CDK12: variants seen among roughly 807,000 people sequenced by gnomAD.
The protein encoded by CDK12 is cyclin dependent kinase 12, also known as cyclin-dependent kinase 12.
Under a neutral mutation model 133.8 loss-of-function variants are expected in CDK12, and 17 were observed. The observed-to-expected ratio is 0.13, with a 90% confidence interval of 0.09 to 0.19. The LOEUF is 0.19. Among genes scored for constraint, CDK12 ranks in the 10% least tolerant of loss-of-function variants. CDK12 has a pLI of 1.00. For synonymous variants in CDK12, 694 were observed against 683.6 expected (o/e 1.02, Z -0.24); for missense variants, 1,508 against 1,818.7 (o/e 0.83, Z 3.11).
intron 1 of CDK12, among the ~76,000 whole-genome samples, chr17:39,540,647 G>A (rs1446140400): frequency 6.6e-6 from 1 of 152,188 alleles, no homozygotes; most frequent in Non-Finnish European, 1.5e-5. Flanking sequence ...TTCTTGGAAG[G>A]CCTTTTTCTG....
In CDK12 at chr17:39,530,601, C is replaced by T. The variant is rs751866464; in HGVS notation, c.3761-3C>T. 1 of 1,576,368 alleles carries T rather than the reference C, an allele frequency of 6.3e-7. No homozygotes were observed. The highest frequency in any genetic ancestry group is 8.6e-7 in the Non-Finnish European group (1 of 1,160,610). On this transcript the variant is annotated splice_polypyrimidine_tract_variant and splice_region_variant and intron_variant, in intron 13 of 13. Coordinates refer to ENST00000447079, the MANE Select transcript of CDK12 (RefSeq NM_016507.4). ...GTGTTTAAAAGAAGTAACCCTTCCA[C>T]AGCATGTCCTCCTCACATTCTTCCA...
chr17:39,486,163 G>A (rs942990346), intron 2 of CDK12, among the ~76,000 whole-genome samples: 7 of 151,114 alleles, frequency 4.6e-5, no homozygotes, highest in African/African-American at 1.7e-4. Context: ...ATGTTGGCTA[G>A]GCTGGTCTTG....
In CDK12 at chr17:39,471,692, A is replaced by C. The variant is rs752384862; in HGVS notation, c.1860A>C (p.Pro620=). Residue 620 remains proline (P), a synonymous_variant, in exon 2 of 14, where the codon CCA becomes CCC. Coordinates refer to ENST00000447079, the MANE Select transcript of CDK12 (RefSeq NM_016507.4). ...KTQVSVTAAI[P]HLKTSTLPPL... is the part of the protein sequence containing the mutation. Reference sequence around the variant, plus strand: ...AAGTATCTGTAACAGCTGCTATTCCACACCTGAAAACTTCAACGTTGCCTC... The same window carrying C: ...AAGTATCTGTAACAGCTGCTATTCCCCACCTGAAAACTTCAACGTTGCCTC... 1 of 1,614,052 alleles carries C rather than the reference A, an allele frequency of 6.2e-7. No homozygotes were observed. Among genetic ancestry groups the C allele is most frequent in the Non-Finnish European group, 8.5e-7 (1 of 1,179,982 alleles).
chr17:39,553,455 A>G (rs969187872), intron 2 of CDK12, among the ~76,000 whole-genome samples: 2 of 152,150 alleles, frequency 1.3e-5, no homozygotes, highest in Non-Finnish European at 1.5e-5. Context: ...CTCCTGAAAC[A>G]GCATTCTTAC....
chr17:39,534,931 A>T (rs532334793), downstream of CDK12: 1 of 152,462 alleles, frequency 6.6e-6, no homozygotes, highest in African/African-American at 2.4e-5. Context: ...GACCCAAAGG[A>T]TAGTCTTAAA....
chr17:39,479,701 A>G (rs1047530803), intron 2 of CDK12, among the ~76,000 whole-genome samples: 3 of 150,394 alleles, frequency 2.0e-5, no homozygotes, highest in East Asian at 2.0e-4. Flanking sequence ...ATCTCGGCTC[A>G]CTGTAATCTC....
At chr17:39,528,147 C>T (rs533031709) in intron 13 of CDK12, among the ~76,000 whole-genome samples, 5 of 150,244 alleles carry the variant, frequency 3.3e-5, no homozygotes, top group South Asian at 2.1e-4. Flanking sequence ...CTTGAACTGC[C>T]GACCTCTGGT....
Position 39,534,051 on chromosome 17 carries a change from TG to T in CDK12, c.*2736del, listed in dbSNP as rs1394138834. ...CAGATGAGAAATCTGATTCTGTTCA[TG>T]AGTGGGAGGCAAAACTGGTTTGACC... On this transcript the variant is annotated 3_prime_UTR_variant, in exon 14 of 14. Transcript: ENST00000447079. 8.6e-6 allele frequency: 2 copies of T among 232,576 alleles called. No individual in the cohort carries two copies. The highest frequency in any genetic ancestry group is 4.4e-5 in the African/African-American group (2 of 45,308). The allele number at this position is 232,576 out of a possible 1,614,324, so 14.4% of individuals were successfully genotyped here. A position where few individuals can be genotyped will look rare whatever the true frequency, so the allele number is the denominator to read the frequency against.
intron 6 of CDK12, among the ~76,000 whole-genome samples, chr17:39,507,298 T>C (rs917503327): frequency 6.6e-6 from 1 of 151,678 alleles, no homozygotes; most frequent in Non-Finnish European, 1.5e-5. Context: ...GTAAAAGTGC[T>C]ATCAGCGGCC....
intron 13 of CDK12, among the ~76,000 whole-genome samples, chr17:39,528,893 C>T (rs971622566): frequency 6.6e-6 from 1 of 152,172 alleles, no homozygotes; most frequent in African/African-American, 2.4e-5. Context: ...ATAACTGGTA[C>T]AGTGATGTCC....
chr17:39,517,121 A>G (rs1293509919), intron 9 of CDK12, among the ~76,000 whole-genome samples: 1 of 152,148 alleles, frequency 6.6e-6, no homozygotes, highest in Non-Finnish European at 1.5e-5. Context: ...CTTTGTAATT[A>G]CTACTAACTG....
intron 3 of CDK12, among the ~76,000 whole-genome samples, chr17:39,557,406 G>A (rs567099068): frequency 6.6e-6 from 1 of 152,112 alleles, no homozygotes; most frequent in South Asian, 2.1e-4. Flanking sequence ...ACACCTTGGG[G>A]TAGATCCAAG....
intron 3 of CDK12, among the ~76,000 whole-genome samples, chr17:39,561,769 C>T (rs576144727): frequency 6.6e-5 from 10 of 152,076 alleles, no homozygotes; most frequent in Admixed American, 1.3e-4. Flanking sequence ...GTTTTCCCCA[C>T]TCACTTACAG....
intron 1 of CDK12, among the ~76,000 whole-genome samples, chr17:39,465,629 C>G (rs940703722): frequency 1.3e-5 from 2 of 151,850 alleles, no homozygotes; most frequent in Non-Finnish European, 2.9e-5. Flanking sequence ...GCTGGAATTA[C>G]AAGCGCCCAC....
At chr17:39,481,484 A>G (rs1274097472) in intron 2 of CDK12, among the ~76,000 whole-genome samples, 1 of 148,854 alleles carries the variant, frequency 6.7e-6, no homozygotes, top group Admixed American at 6.7e-5. Context: ...TTTTTTTTAC[A>G]TTTTTGGTAG....
At chr17:39,540,409 G>A (rs1326745059) in intron 1 of CDK12, among the ~76,000 whole-genome samples, 1 of 152,334 alleles carries the variant, frequency 6.6e-6, no homozygotes, top group East Asian at 1.9e-4. Flanking sequence ...CATGCACCAT[G>A]TGTCCAGATG....
At chr17:39,491,581 T>C (rs1242710992) in intron 3 of CDK12, among the ~76,000 whole-genome samples, 6 of 152,122 alleles carry the variant, frequency 3.9e-5, no homozygotes, top group Non-Finnish European at 7.4e-5. Context: ...AATTTCCCAT[T>C]TTATAGTTAA....
rs1181784094 is a variant in CDK12 at position 39,530,816 on chromosome 17, C to T, written c.3973C>T (p.Pro1325Ser). 6 of 1,614,084 alleles carry T rather than the reference C, an allele frequency of 3.7e-6. No homozygotes were observed. The highest frequency in any genetic ancestry group is 5.1e-6 in the Non-Finnish European group (6 of 1,180,052). Residue 1325 changes from proline to serine, a missense_variant, in exon 14 of 14, where the codon CCA (proline) becomes TCA (serine). Around this residue, in one of 9 missense-constraint regions of CDK12, gnomAD observed 399 missense variants for 469.6 expected, o/e 0.85. Coordinates refer to ENST00000447079, the MANE Select transcript of CDK12 (RefSeq NM_016507.4). ...HLPHEHQALR[P>S]MEYSTRPRPN... ...GCCACATGAGCACCAGGCCTTGAGACCAATGGAGTACTCCACCCGACCCCG... is the reference window on the plus strand; with the variant it reads ...GCCACATGAGCACCAGGCCTTGAGATCAATGGAGTACTCCACCCGACCCCG...
chr17:39,510,458 G>A (rs2053429701), intron 7 of CDK12, among the ~76,000 whole-genome samples: 1 of 151,878 alleles, frequency 6.6e-6, no homozygotes, highest in Non-Finnish European at 1.5e-5. Flanking sequence ...CTAGTATTCT[G>A]CAAGTTGCAA....
Sources: gnomAD v4.1 joint callset for allele counts (sites outside exome capture counted in the v4.1 genomes callset) on GRCh38, gnomAD v4.1.1 for gene constraint, gnomAD v4.1.1 regional missense constraint, MANE v1.5 for transcripts, NCBI Gene and HGNC (gene_info 2026-07-23, HGNC 2026-07-21) for gene names.